PCDHA3: variants seen among roughly 807,000 people sequenced by gnomAD.
The protein encoded by PCDHA3 is protocadherin alpha 3.
Under a neutral mutation model 62.2 loss-of-function variants are expected in PCDHA3, and 41 were observed. That is an observed-to-expected ratio of 0.66 (90% CI 0.51 to 0.86). The LOEUF (loss-of-function observed/expected upper bound fraction) is 0.86. Ranked by LOEUF, PCDHA3 falls within the 40% of genes least tolerant of loss-of-function variation. PCDHA3 has a pLI of 0.00. For missense variants in PCDHA3, 1,304 were observed against 1,241.2 expected (o/e 1.05, Z -0.76); for synonymous variants, 640 against 555.4 (o/e 1.15, Z -2.14).
At chr5:140,867,661 C>A (rs940517637) in intron 1 of PCDHA3, 30 of 152,196 alleles carry the variant, frequency 2.0e-4, no homozygotes, top group African/African-American at 6.7e-4. Flanking sequence ...AAATCACTTT[C>A]TACTCTAAAA....
intron 1 of PCDHA3, chr5:140,816,817 C>A (rs1489513299): frequency 6.6e-6 from 1 of 151,668 alleles, no homozygotes; most frequent in African/African-American, 2.4e-5. Flanking sequence ...ATGCTCTAAT[C>A]TTTTTCCCTC....
At chr5:140,958,759 A>G (rs1254935099) in intron 1 of PCDHA3, among the ~76,000 whole-genome samples, 2 of 152,112 alleles carry the variant, frequency 1.3e-5, no homozygotes, top group African/African-American at 4.8e-5. Flanking sequence ...ATTTTTACCC[A>G]TTTCTGTTTG....
intron 1 of PCDHA3, among the ~76,000 whole-genome samples, chr5:140,933,309 A>G (rs183796217): frequency 4.7e-4 from 72 of 152,092 alleles, no homozygotes; most frequent in Middle Eastern, 6.8e-3. Context: ...TAAATATGCA[A>G]TCTCGTATTC....
intron 1 of PCDHA3, chr5:140,822,496 T>C (rs1315716170): frequency 1.8e-5 from 29 of 1,613,784 alleles, no homozygotes; most frequent in Non-Finnish European, 2.2e-5. Flanking sequence ...CGCCCCAGAA[T>C]TTGATAAATC....
chr5:140,869,205 C>T (rs782278064), intron 1 of PCDHA3: 1 of 1,613,994 alleles, frequency 6.2e-7, no homozygotes, highest in Non-Finnish European at 8.5e-7. Flanking sequence ...TCCACTACTC[C>T]GTCTCGGAGG....
chr5:140,923,033 A>T (rs6895136), intron 1 of PCDHA3, among the ~76,000 whole-genome samples: 8,640 of 152,308 alleles, frequency 0.057, 727 homozygotes, highest in African/African-American at 0.19. Flanking sequence ...CTCTATTACT[A>T]CATGTATAGT....
At chr5:140,861,412 C>T (rs371672031) in intron 1 of PCDHA3, 62 of 474,038 alleles carry the variant, frequency 1.3e-4, no homozygotes, top group African/African-American at 1.1e-3. Flanking sequence ...GAGCTGATAC[C>T]GCGCCTGTTT....
intron 1 of PCDHA3, among the ~76,000 whole-genome samples, chr5:140,977,165 T>C (rs921089293): frequency 1.3e-5 from 2 of 152,156 alleles, no homozygotes; most frequent in Non-Finnish European, 2.9e-5. Context: ...TTCAGCAAAA[T>C]GAGTTTGATG....
At position 140,858,441 on chromosome 5, in the gene PCDHA3, G is replaced by C. The variant is rs782468673; in HGVS notation, c.2394+54850G>C. 13 of 1,537,092 alleles carry C rather than the reference G, an allele frequency of 8.5e-6. 2 individuals carry two copies. The South Asian group carries it at 1.2e-4, about 14-fold the overall frequency. ...GGAGGGGACCACTCTAGGAAGGTGG[G>C]TTATTACGTTTTCATTTTCCTTTTG... is the stretch of plus-strand genomic sequence containing the variant. On this transcript the variant is annotated intron_variant, in intron 1 of 3. Coordinates refer to ENST00000522353, the MANE Select transcript of PCDHA3 (RefSeq NM_018906.3).
At chr5:140,836,614 C>G in intron 1 of PCDHA3, 1 of 1,613,584 alleles carries the variant, frequency 6.2e-7, no homozygotes, top group Non-Finnish European at 8.5e-7. Context: ...TGCTCCAGCG[C>G]GGTGGGGAGC....
chr5:140,884,230 C>T, intron 1 of PCDHA3: 8 of 1,613,384 alleles, frequency 5.0e-6, no homozygotes, highest in Non-Finnish European at 6.8e-6. Flanking sequence ...TGAAGGACCA[C>T]GGTGAGCCCG....
At chr5:140,978,462 G>T (rs939639463) in intron 1 of PCDHA3, among the ~76,000 whole-genome samples, 3 of 152,222 alleles carry the variant, frequency 2.0e-5, no homozygotes, top group Admixed American at 1.3e-4. Flanking sequence ...TCCGCCCTGG[G>T]TCAAATATGC....
rs1763217620 is a variant in PCDHA3, at chr5:140,803,496, ACCGAC to A, written c.2301_2305del (p.Asp768HisfsTer4). The stretch of plus-strand genomic sequence containing the variant: ...GTGCTCTGGAGAGGGGTTGCCCAAG[ACCGAC>A]CTCATGGCTTTTAGCCCTAGCCTTC... On this transcript the variant is annotated frameshift_variant, in exon 1 of 4. Transcript: ENST00000522353. LOFTEE classifies it high-confidence loss of function. 1 of 1,614,106 alleles carries A rather than the reference ACCGAC, an allele frequency of 6.2e-7. No individual in the cohort carries two copies. Among genetic ancestry groups the A allele is most frequent in the African/African-American group, 1.3e-5 (1 of 74,944 alleles).
At chr5:140,842,859 A>G in intron 1 of PCDHA3, 1 of 1,593,988 alleles carries the variant, frequency 6.3e-7, no homozygotes, top group Admixed American at 1.7e-5. Context: ...GTGCACACGG[A>G]GAGCGGCAAG....
chr5:140,983,340 A>AG (rs2097043854), intron 3 of PCDHA3, among the ~76,000 whole-genome samples: 1 of 152,240 alleles, frequency 6.6e-6, no homozygotes, highest in African/African-American at 2.4e-5. Flanking sequence ...TCACTAAAGC[A>AG]GGGTCATGTA....
intron 1 of PCDHA3, among the ~76,000 whole-genome samples, chr5:140,931,584 AAC>A (rs1355868674): frequency 1.3e-5 from 2 of 152,054 alleles, no homozygotes; most frequent in Admixed American, 1.3e-4. Flanking sequence ...CATTCAGTTG[AAC>A]AGTCTTTTTC....
At chr5:140,817,814 T>G (rs1289850522) in intron 1 of PCDHA3, among the ~76,000 whole-genome samples, 2 of 152,208 alleles carry the variant, frequency 1.3e-5, no homozygotes. Flanking sequence ...CGTTTTTATA[T>G]ATCTGGAAAT....
rs372609574 is a variant in PCDHA3, at chr5:140,801,557, G to A, written c.360G>A (p.Glu120=). The A allele has an allele frequency of 1.7e-5, 28 of 1,614,122 alleles. No individual in the cohort carries two copies. The African/African-American group carries it at 2.9e-4, about 17-fold the overall frequency. The change falls in exon 1 of 4, where the codon GAG becomes GAA. Residue 120 remains glutamate (E), a synonymous_variant. Transcript: ENST00000522353. Reference sequence around the variant, plus strand: ...GGCCGCTGCAGGTTTTCCATGTGGAGGTGGAAGTGAAGGACATTAATGACA... The same window carrying A: ...GGCCGCTGCAGGTTTTCCATGTGGAAGTGGAAGTGAAGGACATTAATGACA... ...VDRPLQVFHV[E]VEVKDINDNA... is the part of the protein sequence containing the mutation.
rs2150394601 is a variant in PCDHA3 at position 140,846,768 on chromosome 5, A to T, written c.2394+43177A>T. On this transcript the variant is annotated intron_variant, in intron 1 of 3. Coordinates refer to ENST00000522353, the MANE Select transcript of PCDHA3 (RefSeq NM_018906.3). ...TACAGATCTCTAACAGCATATCATC[A>T]TGTCAGGAATTATTACTGAGCCCCA... Among the ~76,000 whole-genome samples, 10 of 149,454 alleles carry T rather than the reference A, an allele frequency of 6.7e-5. 1 individual carries two copies. The highest frequency in any genetic ancestry group is 2.2e-4 in the African/African-American group (9 of 40,730).
Sources: allele counts gnomAD v4.1 joint callset (sites outside exome capture counted in the v4.1 genomes callset), GRCh38; gene constraint gnomAD v4.1.1; transcripts MANE v1.5; gene names NCBI Gene and HGNC (gene_info 2026-07-23, HGNC 2026-07-21).